Variants in TCF7L2 observed in about 807,000 individuals in gnomAD.
The protein encoded by TCF7L2 is transcription factor 7-like 2.
TCF7L2 carries 23 observed loss-of-function variants against 77.9 expected under a neutral mutation model. The observed-to-expected ratio is 0.30, with a 90% confidence interval of 0.21 to 0.42. The LOEUF (loss-of-function observed/expected upper bound fraction) is 0.42, where lower values mean the gene tolerates loss of function less well. Ranked by LOEUF, TCF7L2 falls within the 10% of genes least tolerant of loss-of-function variation. The pLI is 1.00. For synonymous variants in TCF7L2, 413 were observed against 340.2 expected (o/e 1.21, Z -2.36); for missense variants, 654 against 793.1 (o/e 0.82, Z 2.11).
chr10:112,956,918 C>A (rs926926171), intron 3 of TCF7L2, among the ~76,000 whole-genome samples: 1 of 152,068 alleles, frequency 6.6e-6, no homozygotes, highest in African/African-American at 2.4e-5. Context: ...AATGCAAATG[C>A]TGCCCTCCCT....
chr10:112,964,692 C>A, intron 4 of TCF7L2, 68 bp downstream of exon 4: 1 of 1,332,340 alleles, frequency 7.5e-7, no homozygotes, highest in Non-Finnish European at 1.1e-6. Context: ...TTTTATTCTC[C>A]GCCCCTTCCC....
At chr10:112,978,459 G>C (rs2039846044) in intron 4 of TCF7L2, among the ~76,000 whole-genome samples, 1 of 150,884 alleles carries the variant, frequency 6.6e-6, no homozygotes, top group Admixed American at 6.6e-5. Context: ...TCATTCCCAG[G>C]AATTTTGTGA....
In TCF7L2 at chr10:113,167,352, T is replaced by TA. The variant is rs926874705; in HGVS notation, c.*1388dup. On this transcript the variant is annotated 3_prime_UTR_variant, in exon 14 of 14. Transcript: ENST00000627217. Reference sequence around the variant, plus strand: ...ACGAGTAGGCAGCAGACTTTAAAAATAAAAAAAACCTAGGCATGTTGATGT... The same window carrying TA: ...ACGAGTAGGCAGCAGACTTTAAAAATAAAAAAAAACCTAGGCATGTTGATGT... 58 of 226,274 alleles carry TA rather than the reference T, an allele frequency of 2.6e-4. No homozygotes were observed. The East Asian group carries it at 2.8e-3, about 11-fold the overall frequency. 14.0% of individuals were successfully genotyped at this position (226,274 alleles called of 1,614,324 possible). A position where few individuals can be genotyped will look rare whatever the true frequency, so the allele number is the denominator to read the frequency against.
At chr10:112,997,618 G>T (rs2043715345) in intron 4 of TCF7L2, among the ~76,000 whole-genome samples, 1 of 152,238 alleles carries the variant, frequency 6.6e-6, no homozygotes, top group Admixed American at 6.5e-5. Flanking sequence ...CCCCCAGGAA[G>T]AGTGACCAGG....
intron 5 of TCF7L2, among the ~76,000 whole-genome samples, chr10:113,074,040 G>A (rs144749768): frequency 6.6e-6 from 1 of 152,308 alleles, no homozygotes; most frequent in East Asian, 1.9e-4. Flanking sequence ...TGAGCTGGCT[G>A]TAGCTGGTCA....
intron 5 of TCF7L2, among the ~76,000 whole-genome samples, chr10:113,115,082 G>T (rs923024187): frequency 3.3e-5 from 5 of 152,132 alleles, no homozygotes; most frequent in Non-Finnish European, 7.4e-5. Context: ...AATCGAAAAA[G>T]GGTAATACAC....
At position 113,166,270 on chromosome 10, in the gene TCF7L2, T is replaced by G. The variant is rs978254915; in HGVS notation, c.*298T>G. 2 of 275,786 alleles carry G rather than the reference T, an allele frequency of 7.3e-6. No individual in the cohort carries two copies. The highest frequency in any genetic ancestry group is 4.3e-5 in the African/African-American group (2 of 46,458). 17.1% of individuals were successfully genotyped at this position (275,786 alleles called of 1,614,324 possible). On this transcript the variant is annotated 3_prime_UTR_variant, in exon 14 of 14. Coordinates refer to ENST00000627217, the MANE Select transcript of TCF7L2 (RefSeq NM_001146274.2). ...TATATATATATACATAACTGTTATGTAGTTCGGATAGCTTAGTTTTAAAAG... is the reference window on the plus strand; with the variant it reads ...TATATATATATACATAACTGTTATGGAGTTCGGATAGCTTAGTTTTAAAAG...
chr10:113,146,134 T>A (rs2069344839), intron 8 of TCF7L2, 37 bp downstream of exon 8: 1 of 1,588,782 alleles, frequency 6.3e-7, no homozygotes, highest in Non-Finnish European at 8.6e-7. Context: ...TCCAAGGCCA[T>A]GTGTGACTTC....
intron 3 of TCF7L2, among the ~76,000 whole-genome samples, chr10:112,954,966 C>T (rs2094406): frequency 0.37 from 55,513 of 152,000 alleles, 11,584 homozygotes; most frequent in African/African-American, 0.58. Context: ...TTTAGCCGGG[C>T]AACTTCTCTT....
chr10:113,096,600 A>C (rs1424428852), intron 5 of TCF7L2, among the ~76,000 whole-genome samples: 1 of 152,044 alleles, frequency 6.6e-6, no homozygotes, highest in Non-Finnish European at 1.5e-5. Flanking sequence ...GTTTGGTGGA[A>C]GCGCCATAGG....
intron 11 of TCF7L2, among the ~76,000 whole-genome samples, chr10:113,153,499 C>T (rs533047116): frequency 7.8e-4 from 119 of 152,310 alleles, no homozygotes; most frequent in African/African-American, 2.2e-3. Context: ...GCATCATCCG[C>T]GGTGAAGCAG....
intron 4 of TCF7L2, among the ~76,000 whole-genome samples, chr10:112,991,147 A>T (rs2135455098): frequency 6.6e-6 from 1 of 152,152 alleles, no homozygotes; most frequent in South Asian, 2.1e-4. Context: ...CCTCTCTGGG[A>T]ACTGGGGAAG....
chr10:113,118,874 G>C (rs1313466961), intron 5 of TCF7L2, among the ~76,000 whole-genome samples: 1 of 152,054 alleles, frequency 6.6e-6, no homozygotes, highest in Non-Finnish European at 1.5e-5. Context: ...ATTTCTAGAT[G>C]ATAAATTTAA....
At chr10:113,026,044 A>T (rs1433766043) in intron 4 of TCF7L2, among the ~76,000 whole-genome samples, 2 of 150,878 alleles carry the variant, frequency 1.3e-5, no homozygotes, top group Non-Finnish European at 2.9e-5. Flanking sequence ...ACGCCTGGCT[A>T]ATTTTTGTAT....
intron 13 of TCF7L2, among the ~76,000 whole-genome samples, chr10:113,164,389 C>T (rs1043643562): frequency 5.3e-5 from 8 of 152,156 alleles, no homozygotes; most frequent in African/African-American, 1.4e-4. Context: ...ACACGAATCA[C>T]GATAACCCAA....
intron 5 of TCF7L2, among the ~76,000 whole-genome samples, chr10:113,064,995 A>C (rs2057048835): frequency 6.6e-6 from 1 of 152,132 alleles, no homozygotes; most frequent in Admixed American, 6.5e-5. Flanking sequence ...ATGCATATTC[A>C]CCCAGAGACC....
chr10:112,970,099 C>T lies in TCF7L2; in HGVS notation c.450+5475C>T, dbSNP rs2037904981. Among the ~76,000 whole-genome samples the T allele has an allele frequency of 2.6e-5, 4 of 152,250 alleles. No individual in the cohort carries two copies. In the South Asian group the frequency reaches 8.3e-4, roughly 32 times the overall value. On this transcript the variant is annotated intron_variant, in intron 4 of 13. Transcript: ENST00000627217. ...GTCAGATGTGATTTAGGAAAAACCTCCACATGCAGCAAAAACAAACTGTGT... is the reference window on the plus strand; with the variant it reads ...GTCAGATGTGATTTAGGAAAAACCTTCACATGCAGCAAAAACAAACTGTGT...
intron 4 of TCF7L2, among the ~76,000 whole-genome samples, chr10:112,978,219 T>TAGAA (rs1461307220): frequency 1.3e-5 from 2 of 152,236 alleles, no homozygotes; most frequent in African/African-American, 4.8e-5. Context: ...AAATGGAGTC[T>TAGAA]AGAAGGTCTT....
intron 13 of TCF7L2, chr10:113,160,785 T>C (rs2073040241): frequency 3.3e-6 from 4 of 1,198,848 alleles, no homozygotes; most frequent in Non-Finnish European, 4.7e-6. Flanking sequence ...GTTCCCCATC[T>C]ACTTCCCCTC....
Sources: gnomAD v4.1 joint callset for allele counts (sites outside exome capture counted in the v4.1 genomes callset) on GRCh38, gnomAD v4.1.1 for gene constraint, MANE v1.5 for transcripts, NCBI Gene and HGNC (gene_info 2026-07-23, HGNC 2026-07-21) for gene names.